Variants in GABBR2 observed in about 807,000 individuals in gnomAD.
The protein encoded by GABBR2 is gamma-aminobutyric acid type B receptor subunit 2.
In GABBR2, 23 loss-of-function variants were observed where a neutral mutation model predicts 105.6. The ratio of observed to expected loss-of-function variants is 0.22; its 90% CI spans 0.16 to 0.31. The LOEUF is 0.31. GABBR2 is among the 10% of genes least tolerant of loss of function. The pLI, the probability that GABBR2 is intolerant of heterozygous loss-of-function variation, is 1.00. For missense variants in GABBR2, 734 were observed against 1,245.5 expected (o/e 0.59, Z 6.18); for synonymous variants, 478 against 499.7 (o/e 0.96, Z 0.58).
At chr9:98,576,598 A>T (rs886726286) in intron 2 of GABBR2, among the ~76,000 whole-genome samples, 8 of 152,204 alleles carry the variant, frequency 5.3e-5, no homozygotes, top group Non-Finnish European at 1.0e-4. Flanking sequence ...TGTGCAAGTT[A>T]GATAGCTTTT....
At chr9:98,699,185 C>T (rs112161497) in intron 1 of GABBR2, among the ~76,000 whole-genome samples, 2,843 of 152,184 alleles carry the variant, frequency 0.019, 33 homozygotes, top group Middle Eastern at 0.051. Flanking sequence ...CGTATTGCTC[C>T]AATAAACTGA....
intron 7 of GABBR2, among the ~76,000 whole-genome samples, chr9:98,431,101 A>G (rs1259019675): frequency 6.6e-6 from 1 of 150,720 alleles, no homozygotes; most frequent in Non-Finnish European, 1.5e-5. Context: ...ACTCTTACCT[A>G]CTCGCTTGCA....
intron 12 of GABBR2, among the ~76,000 whole-genome samples, chr9:98,366,170 C>T (rs1051427070): frequency 2.0e-5 from 3 of 152,174 alleles, no homozygotes; most frequent in African/African-American, 7.2e-5. Flanking sequence ...TTGCACATCC[C>T]ACACTAGATT....
At chr9:98,553,074 G>A (rs949114007) in intron 2 of GABBR2, among the ~76,000 whole-genome samples, 1 of 151,698 alleles carries the variant, frequency 6.6e-6, no homozygotes, top group African/African-American at 2.4e-5. Context: ...GTAGAGACAG[G>A]GGTCTCGCTA....
At chr9:98,630,498 G>A (rs1829801825) in intron 1 of GABBR2, among the ~76,000 whole-genome samples, 1 of 152,206 alleles carries the variant, frequency 6.6e-6, no homozygotes, top group Non-Finnish European at 1.5e-5. Context: ...AGGAGCTTGA[G>A]CAGTGGCCCA....
At chr9:98,646,798 C>A (rs1830033180) in intron 1 of GABBR2, among the ~76,000 whole-genome samples, 1 of 152,188 alleles carries the variant, frequency 6.6e-6, no homozygotes, top group Non-Finnish European at 1.5e-5. Flanking sequence ...TAGCAGAGTT[C>A]TCTGGGAGCT....
chr9:98,412,888 C>A (rs1832614542), intron 7 of GABBR2, among the ~76,000 whole-genome samples: 1 of 152,230 alleles, frequency 6.6e-6, no homozygotes, highest in South Asian at 2.1e-4. Flanking sequence ...GGGTTCCCCA[C>A]TCAGTCTATC....
intron 1 of GABBR2, among the ~76,000 whole-genome samples, chr9:98,594,936 C>T (rs1229021864): frequency 1.3e-5 from 2 of 152,204 alleles, no homozygotes; most frequent in Non-Finnish European, 2.9e-5. Flanking sequence ...TGAGATCTGC[C>T]AGGCACTTGG....
rs140994187 is a variant in GABBR2 at position 98,312,811 on chromosome 9, G to A, written c.1894-1606C>T. ...GTCACCCAGGCTGGAGTGCAATGTC[G>A]TGATCTCCGCTCACTGCAACTTCTG... On this transcript the variant is annotated intron_variant, in intron 13 of 18. Coordinates refer to ENST00000259455, the MANE Select transcript of GABBR2 (RefSeq NM_005458.8). Among the ~76,000 whole-genome samples the A allele has an allele frequency of 2.7e-3, 413 of 152,112 alleles. 2 individuals carry two copies. Among genetic ancestry groups the A allele is most frequent in the Non-Finnish European group, 3.9e-3 (268 of 67,994 alleles).
chr9:98,602,056 A>G (rs548952672), intron 1 of GABBR2, among the ~76,000 whole-genome samples: 2 of 152,146 alleles, frequency 1.3e-5, no homozygotes, highest in Admixed American at 1.3e-4. Flanking sequence ...GCCGGAGTGC[A>G]GTGGTGTGAT....
chr9:98,643,492 A>T (rs1267225078), intron 1 of GABBR2, among the ~76,000 whole-genome samples: 2 of 152,260 alleles, frequency 1.3e-5, no homozygotes, highest in African/African-American at 4.8e-5. Context: ...AAGAGAGAAG[A>T]GAGCCTATTC....
At chr9:98,594,509 T>A (rs1758805) in intron 1 of GABBR2, among the ~76,000 whole-genome samples, 2 of 151,856 alleles carry the variant, frequency 1.3e-5, no homozygotes, top group Admixed American at 1.3e-4. Flanking sequence ...GGAGGGGCTC[T>A]GGGAGAGGAA....
At chr9:98,310,204 T>C (rs1830614182) in intron 14 of GABBR2, among the ~76,000 whole-genome samples, 1 of 152,158 alleles carries the variant, frequency 6.6e-6, no homozygotes, top group African/African-American at 2.4e-5. Context: ...ACCTTTCAAG[T>C]TCTTCCTAAT....
intron 13 of GABBR2, among the ~76,000 whole-genome samples, chr9:98,338,181 A>G (rs528144573): frequency 5.0e-4 from 76 of 152,358 alleles, no homozygotes; most frequent in African/African-American, 1.8e-3. Flanking sequence ...AGAAGAAGAC[A>G]TAAGTGTAAA....
At chr9:98,641,284 C>G (rs1329349037) in intron 1 of GABBR2, among the ~76,000 whole-genome samples, 2 of 151,806 alleles carry the variant, frequency 1.3e-5, no homozygotes, top group East Asian at 3.9e-4. Flanking sequence ...CAGGCACACA[C>G]CACCATGCCC....
At chr9:98,576,005 C>T (rs905797411) in intron 2 of GABBR2, among the ~76,000 whole-genome samples, 6 of 152,206 alleles carry the variant, frequency 3.9e-5, no homozygotes, top group Non-Finnish European at 7.4e-5. Flanking sequence ...TACCATAGCA[C>T]CTGCCCTGGG....
chr9:98,293,964 T>A, intron 17 of GABBR2, 62 bp from the exon 18 acceptor site: 2 of 977,260 alleles, frequency 2.0e-6, no homozygotes, highest in South Asian at 2.6e-5. Context: ...AAATCAACAA[T>A]GCAACTTTTT....
At chr9:98,440,038 C>T (rs77626925) in intron 7 of GABBR2, among the ~76,000 whole-genome samples, 2,432 of 152,252 alleles carry the variant, frequency 0.016, 70 homozygotes, top group African/African-American at 0.056. Flanking sequence ...TTCCTTACTG[C>T]GAATTACCCT....
At chr9:98,307,280 G>A (rs1045737192) in intron 14 of GABBR2, among the ~76,000 whole-genome samples, 1 of 152,206 alleles carries the variant, frequency 6.6e-6, no homozygotes, top group Non-Finnish European at 1.5e-5. Context: ...ACTATGATCT[G>A]AAGCAGGGTG....
Sources: allele counts gnomAD v4.1 joint callset (sites outside exome capture counted in the v4.1 genomes callset), GRCh38; gene constraint gnomAD v4.1.1; transcripts MANE v1.5; gene names NCBI Gene and HGNC (gene_info 2026-07-23, HGNC 2026-07-21).